ZEB1: variants seen among roughly 807,000 people sequenced by gnomAD.
ZEB1 encodes zinc finger E-box-binding homeobox 1.
A neutral mutation model predicts 84.9 loss-of-function variants in ZEB1; 21 were observed. The observed-to-expected ratio is 0.25, with a 90% CI of 0.18 to 0.36. The LOEUF (loss-of-function observed/expected upper bound fraction) is 0.36, where lower values mean the gene tolerates loss of function less well. ZEB1 is among the 10% of genes least tolerant of loss of function. The pLI, the probability that ZEB1 is intolerant of heterozygous loss-of-function variation, is 1.00. For missense variants in ZEB1, 1,104 were observed against 1,330.2 expected (o/e 0.83, Z 2.65); for synonymous variants, 420 against 471.1 (o/e 0.89, Z 1.41).
intron 2 of ZEB1, among the ~76,000 whole-genome samples, chr10:31,476,670 G>A (rs1375659032): frequency 1.3e-5 from 2 of 151,950 alleles, no homozygotes; most frequent in African/African-American, 4.8e-5. Flanking sequence ...CAAAATTCTA[G>A]CAAACCAGAT....
At chr10:31,512,601 A>G (rs995938760) in intron 5 of ZEB1, among the ~76,000 whole-genome samples, 12 of 152,206 alleles carry the variant, frequency 7.9e-5, no homozygotes, top group Non-Finnish European at 1.5e-4. Flanking sequence ...TATTCAACAA[A>G]CATTTGTGTT....
At chr10:31,419,942 A>G (rs2055870612) in intron 1 of ZEB1, among the ~76,000 whole-genome samples, 1 of 152,102 alleles carries the variant, frequency 6.6e-6, no homozygotes, top group Non-Finnish European at 1.5e-5. Context: ...GTATGTCTGG[A>G]ATTAGCCTGT....
At chr10:31,414,588 A>G (rs936849300) in intron 1 of ZEB1, among the ~76,000 whole-genome samples, 2 of 152,214 alleles carry the variant, frequency 1.3e-5, no homozygotes, top group African/African-American at 4.8e-5. Flanking sequence ...TTACTTCTCA[A>G]CTAAGGCACA....
chr10:31,476,650 C>CA (rs1286927113), intron 2 of ZEB1, among the ~76,000 whole-genome samples: 1 of 151,884 alleles, frequency 6.6e-6, no homozygotes, highest in Non-Finnish European at 1.5e-5. Context: ...ATAAATGTAA[C>CA]AATCCTCAAC....
intron 4 of ZEB1, among the ~76,000 whole-genome samples, chr10:31,503,409 A>AT (rs1425664727): frequency 6.6e-6 from 1 of 152,112 alleles, no homozygotes; most frequent in Non-Finnish European, 1.5e-5. Context: ...TTGTTTACAT[A>AT]TTTATCCCTT....
At chr10:31,373,331 T>C (rs2046039968) in intron 1 of ZEB1, among the ~76,000 whole-genome samples, 1 of 151,838 alleles carries the variant, frequency 6.6e-6, no homozygotes, top group Non-Finnish European at 1.5e-5. Context: ...TAATAAAATA[T>C]ATGCAAAGAA....
Position 31,520,224 on chromosome 10 carries a change from C to T in ZEB1, c.892C>T (p.Pro298Ser), listed in dbSNP as rs2072003164. ...CAGTAAGAAATGTATCAGCTTGATA[C>T]CTGTGAATGGGCGACCAAGAACAGG... ...ISSKKCISLI[P>S]VNGRPRTGLK... is the part of the protein sequence containing the mutation. The change falls in exon 7 of 9, where the codon CCT becomes TCT. Residue 298 changes from proline to serine, a missense_variant. Pro to Ser is a moderately conservative substitution (Grantham distance 74). Transcript: ENST00000424869. The surrounding 1 kb of genome is among the most constrained non-coding windows in gnomAD (Gnocchi z 5.1). 6.8e-6 allele frequency: 11 copies of T among 1,613,938 alleles called. No individual in the cohort carries two copies. Among genetic ancestry groups the T allele is most frequent in the Non-Finnish European group, 9.3e-6 (11 of 1,179,918 alleles).
At chr10:31,377,552 A>G (rs1443829173) in intron 1 of ZEB1, among the ~76,000 whole-genome samples, 1 of 151,858 alleles carries the variant, frequency 6.6e-6, no homozygotes, top group Non-Finnish European at 1.5e-5. Context: ...TTTACTGAGT[A>G]AAAGAATTCT....
At chr10:31,351,416 A>G (rs955628264) in intron 1 of ZEB1, among the ~76,000 whole-genome samples, 1 of 151,496 alleles carries the variant, frequency 6.6e-6, no homozygotes, top group African/African-American at 2.4e-5. Flanking sequence ...CATCAGTCTG[A>G]TAAGCATAGA....
At chr10:31,323,370 G>A (rs2034609680) in intron 1 of ZEB1, among the ~76,000 whole-genome samples, 1 of 150,606 alleles carries the variant, frequency 6.6e-6, no homozygotes, top group South Asian at 2.1e-4. Context: ...TGATAATACT[G>A]TGTAATTATT....
intron 1 of ZEB1, among the ~76,000 whole-genome samples, chr10:31,325,387 T>G (rs1589950404): frequency 6.6e-6 from 1 of 152,094 alleles, no homozygotes; most frequent in Non-Finnish European, 1.5e-5. Context: ...ACTTTTCTCT[T>G]TCTTCAAACA....
chr10:31,420,883 C>T (rs1304032360), intron 1 of ZEB1, among the ~76,000 whole-genome samples: 3 of 151,600 alleles, frequency 2.0e-5, no homozygotes. Context: ...CTTTCTCTTC[C>T]TTCATTCCGT....
intron 1 of ZEB1, among the ~76,000 whole-genome samples, chr10:31,339,765 A>C (rs887022960): frequency 1.4e-5 from 2 of 144,598 alleles, no homozygotes; most frequent in Non-Finnish European, 3.0e-5. Flanking sequence ...TCTGTCTCAA[A>C]TTAAAAAAAA....
intron 8 of ZEB1, among the ~76,000 whole-genome samples, chr10:31,524,443 G>A (rs533153783): frequency 2.6e-5 from 4 of 151,818 alleles, no homozygotes; most frequent in South Asian, 2.1e-4. Flanking sequence ...TAATGAGCTC[G>A]AGCCATCTAC....
intron 1 of ZEB1, among the ~76,000 whole-genome samples, chr10:31,409,515 A>G (rs2053822215): frequency 6.7e-6 from 1 of 150,106 alleles, no homozygotes; most frequent in Admixed American, 6.6e-5. Context: ...GTTCCGTATG[A>G]AGTTTAAAGT....
At chr10:31,352,015 T>A (rs1197452799) in intron 1 of ZEB1, among the ~76,000 whole-genome samples, 1 of 152,198 alleles carries the variant, frequency 6.6e-6, no homozygotes, top group Non-Finnish European at 1.5e-5. Flanking sequence ...TAGCCCATAA[T>A]CATAATACAT....
intron 1 of ZEB1, among the ~76,000 whole-genome samples, chr10:31,346,589 A>G (rs1364364431): frequency 6.6e-6 from 1 of 152,064 alleles, no homozygotes; most frequent in Non-Finnish European, 1.5e-5. Context: ...TGAGATAGAT[A>G]AAGCCATCTA....
At chr10:31,428,464 G>A (rs978140007) in intron 1 of ZEB1, among the ~76,000 whole-genome samples, 5 of 152,186 alleles carry the variant, frequency 3.3e-5, no homozygotes, top group African/African-American at 9.7e-5. Flanking sequence ...GCTGAGGAGG[G>A]TTTTACTTCC....
chr10:31,340,675 G>T (rs1319445367), intron 1 of ZEB1, among the ~76,000 whole-genome samples: 2 of 152,162 alleles, frequency 1.3e-5, no homozygotes, highest in Non-Finnish European at 2.9e-5. Context: ...ACAGTCAAAT[G>T]AAGGATACAG....
Sources: gnomAD v4.1 joint callset for allele counts (sites outside exome capture counted in the v4.1 genomes callset) on GRCh38, gnomAD v4.1.1 for gene constraint, Gnocchi (gnomAD v3.1) non-coding constraint, MANE v1.5 for transcripts, NCBI Gene and HGNC (gene_info 2026-07-23, HGNC 2026-07-21) for gene names.